KCNMB2: variants seen among roughly 807,000 people sequenced by gnomAD.
KCNMB2 encodes the protein calcium-activated potassium channel subunit beta-2.
In KCNMB2, 9 loss-of-function variants were observed where a neutral mutation model predicts 24.5. That is an observed-to-expected ratio of 0.37 (90% CI 0.22 to 0.64). The LOEUF is 0.64. Among genes scored for constraint, KCNMB2 ranks in the 30% least tolerant of loss-of-function variants. KCNMB2 has a pLI of 0.63. For missense variants in KCNMB2, 226 were observed against 284.3 expected, an observed-to-expected ratio of 0.79 and a Z score of 1.47; for synonymous variants, 109 against 104.4, an observed-to-expected ratio of 1.04 and a Z score of -0.27.
chr3:178,594,903 T>C (rs184124262), intron 1 of KCNMB2, among the ~76,000 whole-genome samples: 6 of 152,182 alleles, frequency 3.9e-5, no homozygotes, highest in African/African-American at 1.4e-4. Flanking sequence ...CCATATTCTC[T>C]TATGAAAAAT....
intron 1 of KCNMB2, among the ~76,000 whole-genome samples, chr3:178,745,236 C>T (rs151039464): frequency 1.1e-4 from 17 of 152,294 alleles, no homozygotes; most frequent in African/African-American, 3.6e-4. Flanking sequence ...TACAGTTCCA[C>T]GTGGCTGGGG....
At chr3:178,683,584 G>GTGTGT (rs779046840) in intron 1 of KCNMB2, among the ~76,000 whole-genome samples, 1 of 152,146 alleles carries the variant, frequency 6.6e-6, no homozygotes, top group African/African-American at 2.4e-5. Context: ...ACATTCAGAT[G>GTGTGT]TGTGTTTTAT....
Position 178,686,072 on chromosome 3 carries a change from A to T in KCNMB2, c.-67-121271A>T, listed in dbSNP as rs73882835. On this transcript the variant is annotated intron_variant, in intron 1 of 4. Coordinates refer to ENST00000452583, the MANE Select transcript of KCNMB2 (RefSeq NM_181361.3). ...AGAGAGAGAGAGAGAGAGATAATAA[A>T]CCTTGATGGTCCCATACTTTTGCAA... is the stretch of plus-strand genomic sequence containing the variant. Among the ~76,000 whole-genome samples, 1,057 of 151,982 alleles carry T rather than the reference A, an allele frequency of 7.0e-3. 12 individuals are homozygous for T. The highest frequency in any genetic ancestry group is 0.024 in the African/African-American group (991 of 41,478).
At chr3:178,813,127 C>T (rs1490660725) in intron 2 of KCNMB2, among the ~76,000 whole-genome samples, 1 of 152,004 alleles carries the variant, frequency 6.6e-6, no homozygotes, top group African/African-American at 2.4e-5. Context: ...GTTTGTCTTC[C>T]CTAGTATCTC....
rs116182478 is a variant in KCNMB2, at chr3:178,542,044, C to T, written c.-68+5333C>T. On this transcript the variant is annotated intron_variant, in intron 1 of 4. Coordinates refer to ENST00000452583, the MANE Select transcript of KCNMB2 (RefSeq NM_181361.3). ...AACCCCACCCAATAGGGGAACAACA[C>T]AGCAGCAGGGGCCACGTGTGTCAGG... is the stretch of plus-strand genomic sequence containing the variant. 7.5e-3 allele frequency among the ~76,000 whole-genome samples: 1,149 copies of T among 152,290 alleles called. 14 individuals are homozygous for T. The highest frequency in any genetic ancestry group is 0.027 in the African/African-American group (1,106 of 41,556).
intron 1 of KCNMB2, among the ~76,000 whole-genome samples, chr3:178,787,486 A>G (rs1344045805): frequency 6.6e-6 from 1 of 152,212 alleles, no homozygotes; most frequent in Non-Finnish European, 1.5e-5. Context: ...TACTGTTATT[A>G]TCACGCTAAT....
chr3:178,544,906 A>G (rs535438969), intron 1 of KCNMB2, among the ~76,000 whole-genome samples: 1 of 152,344 alleles, frequency 6.6e-6, no homozygotes, highest in Non-Finnish European at 1.5e-5. Context: ...TATTAAGTAT[A>G]TACAATAGGT....
chr3:178,739,122 T>C (rs747070079), intron 1 of KCNMB2, among the ~76,000 whole-genome samples: 2 of 149,914 alleles, frequency 1.3e-5, no homozygotes, highest in African/African-American at 4.9e-5. Flanking sequence ...AAAACATGTA[T>C]ATCAGCAGGA....
intron 3 of KCNMB2, 141 bp downstream of exon 3, chr3:178,825,899 A>T (rs1714815494): frequency 3.3e-6 from 2 of 601,436 alleles, no homozygotes; most frequent in Admixed American, 2.7e-5. Context: ...AATACTTTTC[A>T]ATAATGTTAT....
chr3:178,715,717 A>T (rs34230767), intron 1 of KCNMB2, among the ~76,000 whole-genome samples: 18,254 of 152,186 alleles, frequency 0.12, 1,187 homozygotes, highest in Non-Finnish European at 0.14. Flanking sequence ...ACTAAACACT[A>T]TATGCAGTTG....
At chr3:178,687,099 C>T (rs967918194) in intron 1 of KCNMB2, among the ~76,000 whole-genome samples, 1 of 152,064 alleles carries the variant, frequency 6.6e-6, no homozygotes, top group Non-Finnish European at 1.5e-5. Flanking sequence ...CTAAGGATAA[C>T]AAAGCCATTT....
chr3:178,617,536 A>T (rs1718751602), intron 1 of KCNMB2, among the ~76,000 whole-genome samples: 1 of 151,760 alleles, frequency 6.6e-6, no homozygotes, highest in Non-Finnish European at 1.5e-5. Context: ...TCAAAAAAAT[A>T]AAAATAAAAA....
chr3:178,709,149 G>A (rs1722372616), intron 1 of KCNMB2, among the ~76,000 whole-genome samples: 2 of 152,126 alleles, frequency 1.3e-5, no homozygotes, highest in Non-Finnish European at 2.9e-5. Flanking sequence ...CAATTTGTTA[G>A]TTTGCAAATG....
intron 1 of KCNMB2, among the ~76,000 whole-genome samples, chr3:178,751,808 C>T (rs963159229): frequency 6.6e-6 from 1 of 152,158 alleles, no homozygotes; most frequent in Non-Finnish European, 1.5e-5. Flanking sequence ...AAGTGTTGTG[C>T]CAACTTCAAA....
intron 1 of KCNMB2, among the ~76,000 whole-genome samples, chr3:178,761,062 A>G (rs549460147): frequency 1.1e-4 from 17 of 152,308 alleles, no homozygotes; most frequent in African/African-American, 3.8e-4. Context: ...AGACCTTCAA[A>G]GTGGCACATC....
chr3:178,641,927 A>G (rs1216342342), intron 1 of KCNMB2, among the ~76,000 whole-genome samples: 1 of 152,110 alleles, frequency 6.6e-6, no homozygotes, highest in Non-Finnish European at 1.5e-5. Context: ...ATATGTTTCT[A>G]AATTATGCTT....
intron 1 of KCNMB2, among the ~76,000 whole-genome samples, chr3:178,663,332 T>C (rs1396876652): frequency 1.3e-5 from 2 of 152,118 alleles, no homozygotes; most frequent in Admixed American, 6.6e-5. Flanking sequence ...TAATAAGATA[T>C]GTTACCCAGA....
intron 1 of KCNMB2, among the ~76,000 whole-genome samples, chr3:178,662,533 A>G (rs1215578372): frequency 1.3e-5 from 2 of 152,290 alleles, no homozygotes; most frequent in East Asian, 3.9e-4. Context: ...GTGGTATAAA[A>G]AGGACAAGAG....
At chr3:178,715,764 GT>G (rs1577120329) in intron 1 of KCNMB2, among the ~76,000 whole-genome samples, 3 of 152,142 alleles carry the variant, frequency 2.0e-5, no homozygotes, top group Non-Finnish European at 4.4e-5. Context: ...AGTTGATGAA[GT>G]TTTTTTCCTA....
Sources: gnomAD v4.1 joint callset for allele counts (sites outside exome capture counted in the v4.1 genomes callset) on GRCh38, gnomAD v4.1.1 for gene constraint, MANE v1.5 for transcripts, NCBI Gene and HGNC (gene_info 2026-07-23, HGNC 2026-07-21) for gene names.